Variants in RBFOX1 observed in about 807,000 individuals in gnomAD.
RBFOX1 encodes the protein RNA binding protein fox-1 homolog 1.
Under a neutral mutation model 57.7 loss-of-function variants are expected in RBFOX1, and 8 were observed. The ratio of observed to expected loss-of-function variants is 0.14; its 90% CI spans 0.08 to 0.25. RBFOX1 has a LOEUF of 0.25. Ranked by LOEUF, RBFOX1 falls within the 10% of genes least tolerant of loss-of-function variation. RBFOX1 has a pLI of 1.00. For synonymous variants in RBFOX1, 326 were observed against 222.4 expected, an observed-to-expected ratio of 1.47 and a Z score of -4.15; for missense variants, 611 against 548.5, an observed-to-expected ratio of 1.11 and a Z score of -1.14.
At chr16:5,715,008 T>C (rs1424986870) in intron 3 of RBFOX1, among the ~76,000 whole-genome samples, 1 of 152,188 alleles carries the variant, frequency 6.6e-6, no homozygotes, top group Non-Finnish European at 1.5e-5. Flanking sequence ...TAAAGTAAAA[T>C]GGTACATCTG....
Position 6,651,963 on chromosome 16 carries a change from C to T in RBFOX1, c.-63-2640C>T, listed in dbSNP as rs566835567. Among the ~76,000 whole-genome samples the T allele has an allele frequency of 3.3e-5, 5 of 152,266 alleles. No homozygotes were observed. The South Asian group carries it at 6.2e-4, about 19-fold the overall frequency. On this transcript the variant is annotated intron_variant, in intron 2 of 15. Coordinates refer to ENST00000550418, the MANE Select transcript of RBFOX1 (RefSeq NM_018723.4). Reference sequence around the variant, plus strand: ...ATTATGCTAAGTGAAATAAGCCAGGCACAGAAGGACAAATGTTGTATGATT... The same window carrying T: ...ATTATGCTAAGTGAAATAAGCCAGGTACAGAAGGACAAATGTTGTATGATT...
chr16:5,347,793 C>T lies in RBFOX1; in HGVS notation c.219+107688C>T, dbSNP rs1596603282. On this transcript the variant is annotated intron_variant, in intron 1 of 2. Transcript: ENST00000585867. ...TTCCACCCACCCATTGGTCTATCCG[C>T]CCACCCTTCCACTTAATCATGCACT... 2.7e-5 allele frequency among the ~76,000 whole-genome samples: 4 copies of T among 150,578 alleles called. No individual in the cohort carries two copies. The East Asian group carries it at 5.9e-4, about 22-fold the overall frequency.
chr16:5,744,394 A>G (rs976123099), intron 3 of RBFOX1, among the ~76,000 whole-genome samples: 3 of 152,136 alleles, frequency 2.0e-5, no homozygotes, highest in Non-Finnish European at 4.4e-5. Flanking sequence ...TCAGGGACAA[A>G]GTAACTTTAG....
At chr16:5,785,623 G>A (rs566084441) in intron 3 of RBFOX1, among the ~76,000 whole-genome samples, 1 of 152,086 alleles carries the variant, frequency 6.6e-6, no homozygotes, top group African/African-American at 2.4e-5. Context: ...TGCCTCCTGG[G>A]TTCAAGTGAT....
chr16:5,898,707 GC>G, intron 4 of RBFOX1, among the ~76,000 whole-genome samples: 2 of 151,912 alleles, frequency 1.3e-5, no homozygotes, highest in East Asian at 3.9e-4. Flanking sequence ...GACTTCACGG[GC>G]AAGTTTAACC....
intron 4 of RBFOX1, among the ~76,000 whole-genome samples, chr16:7,486,832 ACCT>A (rs1207697781): frequency 6.6e-6 from 1 of 152,004 alleles, no homozygotes; most frequent in Admixed American, 6.6e-5. Context: ...AGCATCCGTC[ACCT>A]CCTGTTTTTG....
chr16:7,655,251 TA>T (rs771069159), intron 12 of RBFOX1, among the ~76,000 whole-genome samples: 17 of 152,180 alleles, frequency 1.1e-4, no homozygotes, highest in Non-Finnish European at 2.2e-4. Flanking sequence ...TGAGAGTAGG[TA>T]AAACCATCAG....
chr16:6,663,558 G>A (rs527489508), intron 3 of RBFOX1, among the ~76,000 whole-genome samples: 1 of 152,190 alleles, frequency 6.6e-6, no homozygotes, highest in Non-Finnish European at 1.5e-5. Context: ...TCATGAAGGA[G>A]TTTCCCTTCA....
At chr16:6,960,872 A>G (rs984517504) in intron 3 of RBFOX1, among the ~76,000 whole-genome samples, 1 of 151,400 alleles carries the variant, frequency 6.6e-6, no homozygotes, top group African/African-American at 2.4e-5. Context: ...AGTGGCTCAC[A>G]TCTGTAATCC....
In RBFOX1 at chr16:7,487,876, A is replaced by G. The variant is rs192916451; in HGVS notation, c.28-30271A>G. Among the ~76,000 whole-genome samples the G allele has an allele frequency of 1.5e-3, 235 of 152,296 alleles. 2 individuals carry two copies. The highest frequency in any genetic ancestry group is 5.5e-3 in the African/African-American group (227 of 41,566). ...CTTAATGAAGGCCTTTTAACAGTCA[A>G]TCTCAATTCCAAGGAAAAGCAAATC... On this transcript the variant is annotated intron_variant, in intron 4 of 15. Transcript: ENST00000550418.
chr16:5,936,935 C>T (rs1263061811), intron 4 of RBFOX1, among the ~76,000 whole-genome samples: 4 of 152,132 alleles, frequency 2.6e-5, no homozygotes, highest in Non-Finnish European at 4.4e-5. Flanking sequence ...GACTGTAGAG[C>T]ACTGCATACA....
chr16:6,563,064 G>T (rs375557894), intron 2 of RBFOX1, among the ~76,000 whole-genome samples: 3 of 151,684 alleles, frequency 2.0e-5, no homozygotes, highest in African/African-American at 4.8e-5. Flanking sequence ...GCAGGGGCAG[G>T]GGGCCATGGA....
intron 4 of RBFOX1, among the ~76,000 whole-genome samples, chr16:7,336,669 A>G (rs1047656799): frequency 1.2e-4 from 18 of 152,220 alleles, no homozygotes; most frequent in African/African-American, 2.9e-4. Context: ...TGAACACAAT[A>G]TTGTCATGTG....
chr16:5,242,681 A>G (rs1477340133), intron 1 of RBFOX1, among the ~76,000 whole-genome samples: 1 of 152,240 alleles, frequency 6.6e-6, no homozygotes, highest in Non-Finnish European at 1.5e-5. Context: ...TGTCAAAACC[A>G]TCCTCGTTCT....
At chr16:5,912,552 G>A (rs1028442234) in intron 4 of RBFOX1, among the ~76,000 whole-genome samples, 1 of 152,168 alleles carries the variant, frequency 6.6e-6, no homozygotes, top group African/African-American at 2.4e-5. Flanking sequence ...TTATGCCAAA[G>A]TCATTTTCCT....
chr16:7,021,731 A>C (rs908830385), intron 3 of RBFOX1, among the ~76,000 whole-genome samples: 2 of 150,690 alleles, frequency 1.3e-5, no homozygotes, highest in African/African-American at 4.8e-5. Flanking sequence ...CACATAACAA[A>C]AATGACCCTA....
At chr16:7,236,275 T>C (rs1277980034) in intron 4 of RBFOX1, among the ~76,000 whole-genome samples, 2 of 152,196 alleles carry the variant, frequency 1.3e-5, no homozygotes, top group Non-Finnish European at 2.9e-5. Flanking sequence ...CGAACTAGGG[T>C]TAATAGGATG....
chr16:6,697,941 T>C (rs1219917258), intron 3 of RBFOX1, among the ~76,000 whole-genome samples: 1 of 152,146 alleles, frequency 6.6e-6, no homozygotes, highest in East Asian at 1.9e-4. Context: ...ATCTGTTCTA[T>C]TAAGGAACCA....
intron 3 of RBFOX1, among the ~76,000 whole-genome samples, chr16:6,943,323 G>A (rs575955896): frequency 1.3e-5 from 2 of 151,900 alleles, no homozygotes; most frequent in South Asian, 4.1e-4. Flanking sequence ...AATATGGCTT[G>A]AAAAGGACTG....
Sources: gnomAD v4.1 joint callset for allele counts (sites outside exome capture counted in the v4.1 genomes callset) on GRCh38, gnomAD v4.1.1 for gene constraint, MANE v1.5 for transcripts, NCBI Gene and HGNC (gene_info 2026-07-23, HGNC 2026-07-21) for gene names.